The following GREM2 variants were observed in gnomAD, a reference collection of about 807,000 sequenced individuals.
GREM2 encodes gremlin-2.
In GREM2, 11 loss-of-function variants were observed where a neutral mutation model predicts 14.2. The ratio of observed to expected loss-of-function variants is 0.78; its 90% CI spans 0.49 to 1.28. The LOEUF (loss-of-function observed/expected upper bound fraction) is 1.28. GREM2 is among the 50% of genes most tolerant of loss of function. The pLI, the probability that GREM2 is intolerant of heterozygous loss-of-function variation, is 0.00. For synonymous variants in GREM2, 98 were observed against 97.6 expected (o/e 1.00, Z -0.02); for missense variants, 210 against 218.5 (o/e 0.96, Z 0.24).
At chr1:240,611,196 A>G (rs1419168683) in intron 1 of GREM2, among the ~76,000 whole-genome samples, 1 of 152,174 alleles carries the variant, frequency 6.6e-6, no homozygotes, top group Non-Finnish European at 1.5e-5. Flanking sequence ...TTTTTAATGT[A>G]GTAATATGTG....
At chr1:240,507,253 C>T (rs1046493786) in intron 1 of GREM2, among the ~76,000 whole-genome samples, 2 of 152,110 alleles carry the variant, frequency 1.3e-5, no homozygotes, top group African/African-American at 2.4e-5. Flanking sequence ...TTTTCCTTCC[C>T]TCCATTCCTT....
At chr1:240,603,799 G>A (rs1679974483) in intron 1 of GREM2, among the ~76,000 whole-genome samples, 1 of 151,168 alleles carries the variant, frequency 6.6e-6, no homozygotes. Context: ...TATTATATAT[G>A]TATTTTATAT....
At chr1:240,506,010 CTT>C (rs1401006755) in intron 1 of GREM2, among the ~76,000 whole-genome samples, 2 of 151,964 alleles carry the variant, frequency 1.3e-5, no homozygotes, top group Non-Finnish European at 2.9e-5. Context: ...TTGCAATACT[CTT>C]TACATAATAT....
intron 1 of GREM2, among the ~76,000 whole-genome samples, chr1:240,598,699 T>C (rs1679865099): frequency 6.6e-6 from 1 of 152,024 alleles, no homozygotes; most frequent in African/African-American, 2.4e-5. Context: ...TGAAGTGGAG[T>C]AGGATGGCAA....
At chr1:240,552,575 G>C (rs1468206151) in intron 1 of GREM2, among the ~76,000 whole-genome samples, 1 of 152,178 alleles carries the variant, frequency 6.6e-6, no homozygotes, top group African/African-American at 2.4e-5. Context: ...AGCAGAGCAA[G>C]ACCCTATCTC....
intron 1 of GREM2, among the ~76,000 whole-genome samples, chr1:240,561,632 T>C (rs1679037616): frequency 6.6e-6 from 1 of 151,912 alleles, no homozygotes; most frequent in Non-Finnish European, 1.5e-5. Context: ...GAAAGAATTA[T>C]TTGAGACCTT....
chr1:240,495,791 C>G (rs1558136096), intron 1 of GREM2, among the ~76,000 whole-genome samples: 1 of 152,128 alleles, frequency 6.6e-6, no homozygotes, highest in Non-Finnish European at 1.5e-5. Context: ...TAGTCTAAGT[C>G]TAAACCACAA....
chr1:240,562,014 C>T (rs902604013), intron 1 of GREM2, among the ~76,000 whole-genome samples: 8 of 152,210 alleles, frequency 5.3e-5, no homozygotes, highest in African/African-American at 1.9e-4. Flanking sequence ...AATAAGTAGG[C>T]TGATGAAGAA....
chr1:240,594,511 G>A (rs1679784634), intron 1 of GREM2, among the ~76,000 whole-genome samples: 1 of 152,170 alleles, frequency 6.6e-6, no homozygotes, highest in South Asian at 2.1e-4. Flanking sequence ...ATTTGGAGTA[G>A]TGGGATAACC....
At chr1:240,575,121 T>TAATAA (rs1417596006) in intron 1 of GREM2, among the ~76,000 whole-genome samples, 6 of 151,500 alleles carry the variant, frequency 4.0e-5, no homozygotes, top group African/African-American at 1.5e-4. Flanking sequence ...AAAAAAATAA[T>TAATAA]AATAAAATAA....
At chr1:240,562,039 G>A (rs1679050436) in intron 1 of GREM2, among the ~76,000 whole-genome samples, 1 of 152,112 alleles carries the variant, frequency 6.6e-6, no homozygotes, top group African/African-American at 2.4e-5. Context: ...CTAATTAAAT[G>A]TATTATAATA....
chr1:240,529,519 A>C lies in GREM2; in HGVS notation c.-1-36043T>G, dbSNP rs565623773. Among the ~76,000 whole-genome samples, 11 of 152,274 alleles carry C rather than the reference A, an allele frequency of 7.2e-5. No homozygotes were observed. In the South Asian group the frequency reaches 1.7e-3, roughly 23 times the overall value. ...TGGGCATCTACCTTCCAGCAAGCTA[A>C]TATAAATACATATCTGACGTATCTG... On this transcript the variant is annotated intron_variant, in intron 1 of 1. Coordinates refer to ENST00000318160, the MANE Select transcript of GREM2 (RefSeq NM_022469.4).
intron 1 of GREM2, among the ~76,000 whole-genome samples, chr1:240,603,834 T>A (rs1050247682): frequency 1.7e-4 from 25 of 149,646 alleles, no homozygotes; most frequent in Admixed American, 1.3e-3. Flanking sequence ...TATATGTATT[T>A]TATATATATA....
rs145771910 is a variant in GREM2, at chr1:240,606,446, T to G, written c.-2+5438A>C. Among the ~76,000 whole-genome samples the G allele has an allele frequency of 1.7e-3, 253 of 152,306 alleles. 1 individual carries two copies. Among genetic ancestry groups the G allele is most frequent in the Non-Finnish European group, 3.0e-3 (203 of 68,016 alleles). On this transcript the variant is annotated intron_variant, in intron 1 of 1. Transcript: ENST00000318160. ...GTAAGGCCAAAACAATGCCATAGATTTTCGGAGGATCCTGGTTATAATACC... is the reference window on the plus strand; with the variant it reads ...GTAAGGCCAAAACAATGCCATAGATGTTCGGAGGATCCTGGTTATAATACC...
chr1:240,513,243 G>A (rs1677874158), intron 1 of GREM2, among the ~76,000 whole-genome samples: 1 of 152,286 alleles, frequency 6.6e-6, no homozygotes, highest in East Asian at 1.9e-4. Flanking sequence ...GAGCTAGCAT[G>A]AGAATGAACT....
At chr1:240,515,270 A>G (rs973474004) in intron 1 of GREM2, among the ~76,000 whole-genome samples, 4 of 152,240 alleles carry the variant, frequency 2.6e-5, no homozygotes, top group African/African-American at 9.6e-5. Context: ...TAAATCCTCA[A>G]TACATACACT....
intron 1 of GREM2, among the ~76,000 whole-genome samples, chr1:240,585,677 C>T (rs1476939044): frequency 1.4e-5 from 2 of 142,148 alleles, no homozygotes; most frequent in South Asian, 2.2e-4. Context: ...TTTCAGTGAG[C>T]CGAGGTCATG....
chr1:240,547,453 T>TTGAA (rs1678756959), intron 1 of GREM2, among the ~76,000 whole-genome samples: 1 of 138,570 alleles, frequency 7.2e-6, no homozygotes, highest in African/African-American at 2.7e-5. Context: ...TGAGCCGAAA[T>TTGAA]CACACCGCTG....
At chr1:240,568,643 T>C (rs1263609307) in intron 1 of GREM2, among the ~76,000 whole-genome samples, 1 of 152,140 alleles carries the variant, frequency 6.6e-6, no homozygotes, top group East Asian at 1.9e-4. Context: ...TATACCATGC[T>C]AACACTAATC....
Sources: gnomAD v4.1 joint callset for allele counts (sites outside exome capture counted in the v4.1 genomes callset) on GRCh38, gnomAD v4.1.1 for gene constraint, MANE v1.5 for transcripts, NCBI Gene and HGNC (gene_info 2026-07-23, HGNC 2026-07-21) for gene names.